ZBTB20: variants seen among roughly 807,000 people sequenced by gnomAD.
The protein encoded by ZBTB20 is zinc finger and BTB domain containing 20, also known as zinc finger and BTB domain-containing protein 20.
In ZBTB20, 9 loss-of-function variants were observed where a neutral mutation model predicts 56.9. The observed-to-expected ratio is 0.16, with a 90% CI of 0.10 to 0.28. The LOEUF (loss-of-function observed/expected upper bound fraction) is 0.28, where lower values mean the gene tolerates loss of function less well. ZBTB20 is among the 10% of genes least tolerant of loss of function. The probability of loss-of-function intolerance (pLI) is 1.00; values close to 1 mark genes in which losing one functional copy is unlikely to be tolerated. For missense variants in ZBTB20, 655 were observed against 1,003.0 expected (o/e 0.65, Z 4.69); for synonymous variants, 417 against 420.7 (o/e 0.99, Z 0.11).
intron 5 of ZBTB20, among the ~76,000 whole-genome samples, chr3:114,772,699 A>G (rs1273446862): frequency 1.3e-5 from 2 of 152,160 alleles, no homozygotes; most frequent in African/African-American, 4.8e-5. Context: ...GAATACTCAG[A>G]GTACTCTAGA....
At chr3:114,571,297 T>G (rs1454879580) in intron 6 of ZBTB20, among the ~76,000 whole-genome samples, 1 of 152,188 alleles carries the variant, frequency 6.6e-6, no homozygotes, top group Non-Finnish European at 1.5e-5. Flanking sequence ...AGATAGCAAT[T>G]CTATAAAAAA....
chr3:114,495,647 T>C (rs578110072), intron 7 of ZBTB20, among the ~76,000 whole-genome samples: 1 of 152,090 alleles, frequency 6.6e-6, no homozygotes, highest in Non-Finnish European at 1.5e-5. Context: ...TTCCTGGCTA[T>C]AGTCGATTGG....
chr3:114,470,155 T>C (rs1308517996), intron 7 of ZBTB20, among the ~76,000 whole-genome samples: 1 of 152,126 alleles, frequency 6.6e-6, no homozygotes, highest in African/African-American at 2.4e-5. Flanking sequence ...AAATGTTAGG[T>C]GATCATTTCT....
chr3:114,500,247 A>C (rs547906207), intron 7 of ZBTB20, 105 bp downstream of exon 7: 24 of 152,344 alleles, frequency 1.6e-4, no homozygotes, highest in African/African-American at 5.8e-4. Context: ...CTACAGAAGC[A>C]CTAGAAACCA....
At chr3:114,425,901 G>A (rs1008702831) in intron 7 of ZBTB20, among the ~76,000 whole-genome samples, 3 of 152,110 alleles carry the variant, frequency 2.0e-5, no homozygotes, top group Non-Finnish European at 2.9e-5. Context: ...TCTGCTAAAC[G>A]TTCACATTTT....
intron 4 of ZBTB20, among the ~76,000 whole-genome samples, chr3:114,807,304 A>T (rs2072178919): frequency 6.6e-6 from 1 of 151,928 alleles, no homozygotes; most frequent in Non-Finnish European, 1.5e-5. Flanking sequence ...TACATTGCTT[A>T]GAATTTTCTA....
intron 5 of ZBTB20, among the ~76,000 whole-genome samples, chr3:114,787,327 A>G (rs955670571): frequency 2.6e-5 from 2 of 76,326 alleles, no homozygotes; most frequent in Non-Finnish European, 5.2e-5. Context: ...CCAGTCTTAA[A>G]AGGTTATATA....
chr3:114,889,662 T>C (rs1049593247), intron 4 of ZBTB20, among the ~76,000 whole-genome samples: 2 of 152,092 alleles, frequency 1.3e-5, no homozygotes, highest in African/African-American at 4.8e-5. Flanking sequence ...ACATAAATTA[T>C]TAATATTAAG....
At chr3:114,794,980 C>G (rs551896253) in intron 5 of ZBTB20, among the ~76,000 whole-genome samples, 2 of 152,142 alleles carry the variant, frequency 1.3e-5, no homozygotes, top group East Asian at 3.9e-4. Flanking sequence ...TTTTGGTATG[C>G]ATCTCTACAT....
chr3:114,363,860 G>T (rs2082123631), intron 10 of ZBTB20, among the ~76,000 whole-genome samples: 1 of 152,124 alleles, frequency 6.6e-6, no homozygotes. Flanking sequence ...CCCTAAAGTG[G>T]TATTTTGCAT....
In ZBTB20 at chr3:114,350,774, C is replaced by T; in HGVS notation, c.1304G>A (p.Arg435Lys). 1 of 1,614,132 alleles carries T rather than the reference C, an allele frequency of 6.2e-7. No individual in the cohort carries two copies. The highest frequency in any genetic ancestry group is 8.5e-7 in the Non-Finnish European group (1 of 1,180,026). ...QLETGASSPE[R>K]SNEVEMDSTV... is the part of the protein sequence containing the mutation. The stretch of plus-strand genomic sequence containing the variant: ...GCTGTCCATCTCCACTTCATTGCTT[C>T]TCTCCGGAGAGGAAGCACCTGTTTC... Residue 435 changes from arginine to lysine, a missense_variant, in exon 11 of 12, where the codon AGA becomes AAA. Arg to Lys is a conservative substitution (Grantham distance 26). Coordinates refer to ENST00000675478, the MANE Select transcript of ZBTB20 (RefSeq NM_001348800.3).
chr3:114,512,594 A>T (rs996784916), intron 6 of ZBTB20, among the ~76,000 whole-genome samples: 2 of 152,106 alleles, frequency 1.3e-5, no homozygotes, highest in Non-Finnish European at 2.9e-5. Flanking sequence ...GAATGACCTG[A>T]TCCTTTGTGA....
At chr3:114,851,258 GA>G (rs1331358546) in intron 4 of ZBTB20, among the ~76,000 whole-genome samples, 1 of 152,126 alleles carries the variant, frequency 6.6e-6, no homozygotes, top group Non-Finnish European at 1.5e-5. Flanking sequence ...GAGGTAAGAA[GA>G]AATAAAATTG....
At chr3:115,114,573 T>G (rs2083967066) in intron 1 of ZBTB20, among the ~76,000 whole-genome samples, 1 of 152,180 alleles carries the variant, frequency 6.6e-6, no homozygotes, top group Non-Finnish European at 1.5e-5. Context: ...ATTTGAAAGA[T>G]CTTAAAGTAA....
At chr3:114,660,344 G>A (rs563134128) in intron 6 of ZBTB20, among the ~76,000 whole-genome samples, 4 of 152,212 alleles carry the variant, frequency 2.6e-5, no homozygotes, top group East Asian at 3.9e-4. Flanking sequence ...CTTGGGTCAC[G>A]TCAGGTCGAA....
intron 6 of ZBTB20, among the ~76,000 whole-genome samples, chr3:114,600,802 T>A (rs1308868484): frequency 6.6e-6 from 1 of 152,074 alleles, no homozygotes; most frequent in Non-Finnish European, 1.5e-5. Flanking sequence ...CTTAAAGTGC[T>A]ATTTTCTCCC....
At chr3:114,710,330 T>C (rs1371261266) in intron 5 of ZBTB20, 4 of 152,308 alleles carry the variant, frequency 2.6e-5, no homozygotes, top group African/African-American at 9.6e-5. Context: ...AGAAAATACA[T>C]ATGCAGAAAT....
chr3:115,088,108 AT>A, intron 1 of ZBTB20, among the ~76,000 whole-genome samples: 1 of 152,074 alleles, frequency 6.6e-6, no homozygotes. Context: ...TATTCAAAAA[AT>A]GCCCTACAGG....
chr3:114,451,456 A>C (rs1469824917), intron 7 of ZBTB20, among the ~76,000 whole-genome samples: 1 of 152,112 alleles, frequency 6.6e-6, no homozygotes, highest in African/African-American at 2.4e-5. Context: ...TGGACCCCCC[A>C]AAAAGCCTAG....
Sources: gnomAD v4.1 joint callset for allele counts (sites outside exome capture counted in the v4.1 genomes callset) on GRCh38, gnomAD v4.1.1 for gene constraint, MANE v1.5 for transcripts, NCBI Gene and HGNC (gene_info 2026-07-23, HGNC 2026-07-21) for gene names.